KCNQ5: variants seen among roughly 807,000 people sequenced by gnomAD.
KCNQ5 encodes potassium voltage-gated channel subfamily KQT member 5.
In KCNQ5, 30 loss-of-function variants were observed where a neutral mutation model predicts 98.2. The ratio of observed to expected loss-of-function variants is 0.31; its 90% CI spans 0.23 to 0.41. KCNQ5 has a LOEUF of 0.41. Among genes scored for constraint, KCNQ5 ranks in the 10% least tolerant of loss-of-function variants. The probability of loss-of-function intolerance (pLI) is 1.00; values close to 1 mark genes in which losing one functional copy is unlikely to be tolerated. For missense variants in KCNQ5, 835 were observed against 1,182.5 expected, an observed-to-expected ratio of 0.71 and a Z score of 4.31; for synonymous variants, 458 against 449.4, an observed-to-expected ratio of 1.02 and a Z score of -0.24.
intron 1 of KCNQ5, among the ~76,000 whole-genome samples, chr6:72,920,888 T>C (rs1780362222): frequency 6.6e-6 from 1 of 152,168 alleles, no homozygotes; most frequent in Non-Finnish European, 1.5e-5. Context: ...GGCTGTACAT[T>C]TGAGTTGCGT....
chr6:72,971,483 A>T (rs1291866137), intron 1 of KCNQ5, among the ~76,000 whole-genome samples: 2 of 152,222 alleles, frequency 1.3e-5, no homozygotes, highest in Non-Finnish European at 2.9e-5. Context: ...TGACCCAGCC[A>T]TCCCATTACT....
intron 10 of KCNQ5, chr6:73,135,277 GA>G (rs895597333): frequency 1.3e-5 from 2 of 151,898 alleles, no homozygotes; most frequent in African/African-American, 4.8e-5. Flanking sequence ...AAGAATGTGT[GA>G]ACAGTTACCT....
chr6:73,051,470 G>C (rs1043830402), intron 3 of KCNQ5, among the ~76,000 whole-genome samples: 1 of 152,132 alleles, frequency 6.6e-6, no homozygotes, highest in Non-Finnish European at 1.5e-5. Flanking sequence ...ACCCATCAGA[G>C]TATTGTGGCC....
chr6:72,998,694 G>A (rs148403491), intron 1 of KCNQ5, among the ~76,000 whole-genome samples: 51 of 151,304 alleles, frequency 3.4e-4, no homozygotes, highest in African/African-American at 1.1e-3. Flanking sequence ...TCAAGATCAC[G>A]CCACTGCACT....
intron 1 of KCNQ5, among the ~76,000 whole-genome samples, chr6:72,854,947 T>C (rs941205978): frequency 2.6e-5 from 4 of 151,978 alleles, no homozygotes; most frequent in African/African-American, 9.7e-5. Context: ...GCTCTTGATA[T>C]TGACATTTTG....
intron 1 of KCNQ5, among the ~76,000 whole-genome samples, chr6:72,928,902 G>T (rs1765561221): frequency 6.6e-6 from 1 of 152,022 alleles, no homozygotes; most frequent in Non-Finnish European, 1.5e-5. Flanking sequence ...AACATTCTGT[G>T]CCAGGCACTC....
intron 5 of KCNQ5, among the ~76,000 whole-genome samples, chr6:73,100,246 A>C (rs1774710195): frequency 6.6e-6 from 1 of 152,258 alleles, no homozygotes; most frequent in African/African-American, 2.4e-5. Flanking sequence ...AGTAAAGAAG[A>C]AAAACTTCAA....
intron 1 of KCNQ5, among the ~76,000 whole-genome samples, chr6:72,750,536 G>A (rs1771622540): frequency 6.6e-6 from 1 of 151,984 alleles, no homozygotes; most frequent in African/African-American, 2.4e-5. Flanking sequence ...GAAAATTAAT[G>A]ATCTTTTAAA....
At chr6:72,716,855 T>C (rs1316023182) in intron 1 of KCNQ5, among the ~76,000 whole-genome samples, 1 of 152,224 alleles carries the variant, frequency 6.6e-6, no homozygotes, top group East Asian at 1.9e-4. Flanking sequence ...TTCTCATCTT[T>C]AACCACTTTC....
intron 7 of KCNQ5, among the ~76,000 whole-genome samples, chr6:73,112,469 C>T (rs1775286690): frequency 6.6e-6 from 1 of 152,006 alleles, no homozygotes; most frequent in Admixed American, 6.5e-5. Context: ...CCTCAGCCTC[C>T]CGAGTAGCTG....
At chr6:72,906,799 G>T (rs1448185574) in intron 1 of KCNQ5, among the ~76,000 whole-genome samples, 1 of 152,188 alleles carries the variant, frequency 6.6e-6, no homozygotes, top group Non-Finnish European at 1.5e-5. Flanking sequence ...GGGTCTGTGG[G>T]TCCTTTCGAG....
At position 73,077,436 on chromosome 6, in the gene KCNQ5, G is replaced by T; in HGVS notation, c.731G>T (p.Arg244Leu). ...LRFLQILRMV[R>L]MDRRGGTWKL... The stretch of plus-strand genomic sequence containing the variant: ...TTCCTACAGATCCTCCGCATGGTGC[G>T]CATGGACCGAAGGGGAGGCACTTGG... The change falls in exon 4 of 14, where the codon CGC becomes CTC. Residue 244 changes from arginine to leucine, a missense_variant. Arg to Leu is a moderately radical substitution (Grantham distance 102). Coordinates refer to ENST00000370398, the MANE Select transcript of KCNQ5 (RefSeq NM_019842.4). The T allele has an allele frequency of 1.9e-6, 3 of 1,614,102 alleles. No homozygotes were observed. The highest frequency in any genetic ancestry group is 2.2e-5 in the East Asian group (1 of 44,884).
intron 1 of KCNQ5, among the ~76,000 whole-genome samples, chr6:72,823,478 G>GA (rs1275874970): frequency 6.6e-6 from 1 of 152,018 alleles, no homozygotes; most frequent in Non-Finnish European, 1.5e-5. Flanking sequence ...TCACATTTCT[G>GA]AAAAAAATTC....
At chr6:73,057,759 T>G (rs796090985) in intron 3 of KCNQ5, among the ~76,000 whole-genome samples, 7 of 152,098 alleles carry the variant, frequency 4.6e-5, no homozygotes, top group African/African-American at 1.7e-4. Flanking sequence ...ATTTAAAAAT[T>G]TGTATGAAAC....
At chr6:73,113,854 T>C (rs1775366953) in intron 7 of KCNQ5, among the ~76,000 whole-genome samples, 1 of 152,238 alleles carries the variant, frequency 6.6e-6, no homozygotes, top group Admixed American at 6.5e-5. Context: ...GTAACATATA[T>C]TGTGATCAGT....
At position 73,043,705 on chromosome 6, in the gene KCNQ5, G is replaced by A. The variant is rs200147209; in HGVS notation, c.616+1643G>A. ...TCAGTTCATGGATGACTGGAAAAAT[G>A]TTTCATTCCAGATTTTAAAACCAAT... On this transcript the variant is annotated intron_variant, in intron 3 of 13. Coordinates refer to ENST00000370398, the MANE Select transcript of KCNQ5 (RefSeq NM_019842.4). Among the ~76,000 whole-genome samples, 17 of 152,264 alleles carry A rather than the reference G, an allele frequency of 1.1e-4. No individual in the cohort carries two copies. In the East Asian group the frequency reaches 2.9e-3, roughly 26 times the overall value.
intron 3 of KCNQ5, among the ~76,000 whole-genome samples, chr6:73,058,864 T>A (rs188762823): frequency 2.4e-4 from 37 of 152,256 alleles, no homozygotes; most frequent in African/African-American, 8.4e-4. Context: ...CACAATAAGA[T>A]ACCATCTCAC....
At chr6:73,130,185 A>C (rs1776170603) in intron 9 of KCNQ5, among the ~76,000 whole-genome samples, 4 of 152,192 alleles carry the variant, frequency 2.6e-5, no homozygotes. Flanking sequence ...GAATTTGTAG[A>C]ATGCTTATCC....
At chr6:72,996,293 A>C (rs1769296411) in intron 1 of KCNQ5, among the ~76,000 whole-genome samples, 1 of 152,226 alleles carries the variant, frequency 6.6e-6, no homozygotes, top group African/African-American at 2.4e-5. Flanking sequence ...ATCCAAGGCA[A>C]GGAAACAAAT....
Sources: allele counts gnomAD v4.1 joint callset (sites outside exome capture counted in the v4.1 genomes callset), GRCh38; gene constraint gnomAD v4.1.1; transcripts MANE v1.5; gene names NCBI Gene and HGNC (gene_info 2026-07-23, HGNC 2026-07-21).